Variants in USP37 observed in about 807,000 individuals in gnomAD.
USP37 encodes ubiquitin specific peptidase 37.
A neutral mutation model predicts 124.0 loss-of-function variants in USP37; 27 were observed. The ratio of observed to expected loss-of-function variants is 0.22; its 90% CI spans 0.16 to 0.30. The LOEUF (loss-of-function observed/expected upper bound fraction) is 0.30, where lower values mean the gene tolerates loss of function less well. Among genes scored for constraint, USP37 ranks in the 10% least tolerant of loss-of-function variants. The pLI, the probability that USP37 is intolerant of heterozygous loss-of-function variation, is 1.00. For missense variants in USP37, 889 were observed against 1,140.4 expected (o/e 0.78, Z 3.17); for synonymous variants, 365 against 388.0 (o/e 0.94, Z 0.70).
chr2:218,558,732 T>A (rs1038804333), intron 3 of USP37, 55 bp from the exon 4 acceptor site: 1 of 1,312,702 alleles, frequency 7.6e-7, no homozygotes, highest in Non-Finnish European at 1.0e-6. Context: ...GGAAGAAAAA[T>A]AAGATAAGTT....
intron 14 of USP37, among the ~76,000 whole-genome samples, chr2:218,489,917 C>T (rs1691832682): frequency 6.6e-6 from 1 of 152,196 alleles, no homozygotes; most frequent in Non-Finnish European, 1.5e-5. Context: ...TTTAACTATG[C>T]CTGCTGCGCA....
chr2:218,482,014 C>A, intron 17 of USP37, 56 bp downstream of exon 17: 4 of 1,515,772 alleles, frequency 2.6e-6, no homozygotes, highest in Non-Finnish European at 3.6e-6. Context: ...TGATTAGATA[C>A]TAAAGCCTTT....
intron 23 of USP37, among the ~76,000 whole-genome samples, chr2:218,458,253 TAAAAAAAA>T (rs33911503): frequency 1.4e-5 from 1 of 70,934 alleles, no homozygotes; most frequent in Admixed American, 2.1e-4. Flanking sequence ...AGACCTTGCC[TAAAAAAAA>T]AAAAAAAAAA....
intron 13 of USP37, among the ~76,000 whole-genome samples, 179 bp downstream of exon 13, chr2:218,497,555 G>A (rs1418630648): frequency 6.6e-6 from 1 of 150,490 alleles, no homozygotes; most frequent in Non-Finnish European, 1.5e-5. Context: ...CACCACGCCT[G>A]GCTAATTTTT....
At chr2:218,542,336 G>T (rs748289619) in intron 8 of USP37, among the ~76,000 whole-genome samples, 2 of 152,156 alleles carry the variant, frequency 1.3e-5, no homozygotes, top group Non-Finnish European at 2.9e-5. Context: ...GTGTTTAACA[G>T]ACAGACTTCT....
chr2:218,474,493 C>G, intron 20 of USP37, 137 bp downstream of exon 20: 1 of 1,288,602 alleles, frequency 7.8e-7, no homozygotes, highest in Non-Finnish European at 1.1e-6. Flanking sequence ...TCCCGAGTAG[C>G]TGGGATTAGG....
intron 11 of USP37, among the ~76,000 whole-genome samples, chr2:218,498,795 A>G (rs1689207389): frequency 6.6e-6 from 1 of 152,182 alleles, no homozygotes; most frequent in Admixed American, 6.6e-5. Flanking sequence ...CATTTTCAAA[A>G]TTAATGCTAA....
intron 23 of USP37, among the ~76,000 whole-genome samples, chr2:218,458,948 A>G (rs1261624254): frequency 6.6e-6 from 1 of 152,126 alleles, no homozygotes; most frequent in African/African-American, 2.4e-5. Flanking sequence ...CGACTTTTTA[A>G]AAAGTATACA....
chr2:218,492,880 T>G (rs1470741871), intron 14 of USP37, among the ~76,000 whole-genome samples: 1 of 152,076 alleles, frequency 6.6e-6, no homozygotes, highest in African/African-American at 2.4e-5. Flanking sequence ...TGGCATGTGC[T>G]CGTAGTCCTG....
intron 5 of USP37, among the ~76,000 whole-genome samples, chr2:218,552,781 A>C (rs925153187): frequency 6.6e-6 from 1 of 152,148 alleles, no homozygotes; most frequent in African/African-American, 2.4e-5. Flanking sequence ...TCATATAGAT[A>C]GGTAAGTGTC....
chr2:218,464,654 C>T (rs1455678099), intron 21 of USP37, among the ~76,000 whole-genome samples: 5 of 152,198 alleles, frequency 3.3e-5, no homozygotes, highest in Non-Finnish European at 7.3e-5. Flanking sequence ...TTGGATTGCA[C>T]AGGATTAGAT....
intron 11 of USP37, 198 bp from the exon 12 acceptor site, chr2:218,498,355 G>T: frequency 2.5e-6 from 1 of 402,468 alleles, no homozygotes; most frequent in Non-Finnish European, 4.2e-6. Context: ...GCACAAAAAT[G>T]TCCATTTCTA....
chr2:218,481,664 ATTTCTTTTCT>A (rs749073946), intron 17 of USP37, among the ~76,000 whole-genome samples: 7 of 148,458 alleles, frequency 4.7e-5, no homozygotes, highest in Non-Finnish European at 7.5e-5. Flanking sequence ...TCTTGGTCTG[ATTTCTTTTCT>A]TTTCTTTTCT....
At position 218,547,061 on chromosome 2, in the gene USP37, T is replaced by C. The variant is rs746174540; in HGVS notation, c.460A>G (p.Lys154Glu). The change falls in exon 7 of 26, where the codon AAA becomes GAA. Residue 154 changes from lysine (K) to glutamate (E), a missense_variant. This residue lies in a region of USP37 where 374 missense variants were observed against 386.0 expected (regional missense o/e 0.97). Coordinates refer to ENST00000258399, the MANE Select transcript of USP37 (RefSeq NM_020935.3). ...ACTTTTCGAAATGGAATATCATCTT[T>C]AGTTTCCAAACTTCCTCTTTTTGCA... ...ASAKRGSLET[K>E]DDIPFRKVLG... The C allele has an allele frequency of 6.2e-7, 1 of 1,602,428 alleles. No homozygotes were observed. The highest frequency in any genetic ancestry group is 8.5e-7 in the Non-Finnish European group (1 of 1,177,434).
chr2:218,526,354 C>T (rs1402734525), intron 10 of USP37, among the ~76,000 whole-genome samples: 1 of 152,020 alleles, frequency 6.6e-6, no homozygotes, highest in Non-Finnish European at 1.5e-5. Context: ...GCTTCAGTCT[C>T]CTGAGTAGCT....
chr2:218,494,079 G>A (rs780070804), intron 14 of USP37, among the ~76,000 whole-genome samples: 10 of 152,236 alleles, frequency 6.6e-5, no homozygotes, highest in South Asian at 2.1e-4. Flanking sequence ...TGCAAGATCC[G>A]GATATTTTCT....
At chr2:218,551,255 A>G (rs1034584511) in intron 5 of USP37, among the ~76,000 whole-genome samples, 1 of 152,224 alleles carries the variant, frequency 6.6e-6, no homozygotes, top group African/African-American at 2.4e-5. Context: ...TAGTCTCTGC[A>G]AAGTATATAA....
intron 8 of USP37, among the ~76,000 whole-genome samples, chr2:218,540,030 AT>A (rs1691886647): frequency 6.6e-6 from 1 of 151,712 alleles, no homozygotes; most frequent in South Asian, 2.1e-4. Flanking sequence ...CTTTTTTTTT[AT>A]TTCTTTGTTG....
intron 10 of USP37, among the ~76,000 whole-genome samples, chr2:218,522,400 C>CT (rs1163210248): frequency 2.3e-4 from 33 of 144,258 alleles, no homozygotes; most frequent in East Asian, 1.6e-3. Flanking sequence ...CCATCTCTCT[C>CT]TTTTTTTTTT....
Sources: allele counts gnomAD v4.1 joint callset (sites outside exome capture counted in the v4.1 genomes callset), GRCh38; gene constraint gnomAD v4.1.1; regional missense constraint gnomAD v4.1.1; transcripts MANE v1.5; gene names NCBI Gene and HGNC (gene_info 2026-07-23, HGNC 2026-07-21).